The following CALN1 variants were observed in gnomAD, a reference collection of about 807,000 sequenced individuals.
The protein encoded by CALN1 is calcium-binding protein 8.
In CALN1, 17 loss-of-function variants were observed where a neutral mutation model predicts 30.6. The ratio of observed to expected loss-of-function variants is 0.56; its 90% CI spans 0.38 to 0.83. The LOEUF is 0.83. CALN1 is among the 40% of genes least tolerant of loss of function. The pLI is 0.00. For synonymous variants in CALN1, 156 were observed against 131.4 expected, an observed-to-expected ratio of 1.19 and a Z score of -1.28; for missense variants, 291 against 354.9, an observed-to-expected ratio of 0.82 and a Z score of 1.45.
chr7:71,818,971 G>A (rs1196430905), intron 5 of CALN1, among the ~76,000 whole-genome samples: 1 of 151,780 alleles, frequency 6.6e-6, no homozygotes, highest in Non-Finnish European at 1.5e-5. Flanking sequence ...GCCTCCCAAA[G>A]TGCTGGGATT....
At chr7:72,015,296 C>T (rs10265141) in intron 5 of CALN1, among the ~76,000 whole-genome samples, 21,866 of 152,216 alleles carry the variant, frequency 0.14, 2,486 homozygotes, top group East Asian at 0.34. Context: ...ATCTCAAACT[C>T]AAGCCAGCGT....
intron 5 of CALN1, among the ~76,000 whole-genome samples, chr7:71,932,620 T>A (rs936104993): frequency 1.3e-5 from 2 of 151,898 alleles, no homozygotes; most frequent in South Asian, 4.2e-4. Context: ...AAGACCATCC[T>A]GGCTAACACG....
chr7:72,233,193 G>GA lies in CALN1; in HGVS notation c.244+45492dup, dbSNP rs200734987. 7.7e-3 allele frequency among the ~76,000 whole-genome samples: 903 copies of GA among 117,824 alleles called. 1 individual carries two copies. The highest frequency in any genetic ancestry group is 0.016 in the African/African-American group (498 of 31,986). 77.3% of individuals were successfully genotyped at this position (117,824 alleles called of 152,430 possible). ...ACAATAAAGATCATTCTGTAAAAAG[G>GA]AAAAAAAAAAAAAAAGAAGGCACTG... is the stretch of plus-strand genomic sequence containing the variant. On this transcript the variant is annotated intron_variant, in intron 3 of 6. Coordinates refer to ENST00000395275, the MANE Select transcript of CALN1 (RefSeq NM_031468.4).
intron 3 of CALN1, among the ~76,000 whole-genome samples, chr7:72,272,510 C>T (rs1322214368): frequency 5.3e-5 from 8 of 151,846 alleles, no homozygotes; most frequent in African/African-American, 1.5e-4. Flanking sequence ...TGCAGTGAGC[C>T]GAAATCGCAC....
At chr7:71,915,751 A>C (rs1794660426) in intron 5 of CALN1, among the ~76,000 whole-genome samples, 1 of 114,146 alleles carries the variant, frequency 8.8e-6, no homozygotes, top group South Asian at 2.3e-4. Context: ...AACCAACCAA[A>C]CAAAAAAAAA....
chr7:72,244,379 T>G (rs1238512465), intron 3 of CALN1, among the ~76,000 whole-genome samples: 1 of 152,210 alleles, frequency 6.6e-6, no homozygotes. Context: ...AAATACCATA[T>G]TAAGTTCCTA....
At position 71,815,082 on chromosome 7, in the gene CALN1, C is replaced by G. The variant is rs186922923; in HGVS notation, c.502-4590G>C. On this transcript the variant is annotated intron_variant, in intron 5 of 6. Coordinates refer to ENST00000395275, the MANE Select transcript of CALN1 (RefSeq NM_031468.4). ...TCTCCTGACCCTGTGATCTGCCCGGCTCGGCCTCCCAAAGTGCTGGGATTA... is the reference window on the plus strand; with the variant it reads ...TCTCCTGACCCTGTGATCTGCCCGGGTCGGCCTCCCAAAGTGCTGGGATTA... 1.3e-3 allele frequency among the ~76,000 whole-genome samples: 191 copies of G among 152,200 alleles called. 1 individual carries two copies. The highest frequency in any genetic ancestry group is 4.5e-3 in the African/African-American group (187 of 41,554).
chr7:71,922,808 T>C (rs1014217765), intron 5 of CALN1, among the ~76,000 whole-genome samples: 1 of 141,102 alleles, frequency 7.1e-6, no homozygotes, highest in Non-Finnish European at 1.5e-5. Flanking sequence ...ATATTATATA[T>C]AAATATATAA....
At chr7:71,794,474 G>C (rs1189953112) in intron 6 of CALN1, among the ~76,000 whole-genome samples, 1 of 152,178 alleles carries the variant, frequency 6.6e-6, no homozygotes. Flanking sequence ...GTGAGTCCAA[G>C]ATCTGACTTC....
At chr7:72,404,945 G>A (rs542428335) in intron 1 of CALN1, among the ~76,000 whole-genome samples, 2 of 152,284 alleles carry the variant, frequency 1.3e-5, no homozygotes, top group Admixed American at 6.5e-5. Flanking sequence ...ATGAATGACG[G>A]ACAGACACAT....
intron 5 of CALN1, among the ~76,000 whole-genome samples, chr7:71,870,995 T>A (rs1376155422): frequency 6.6e-6 from 1 of 152,092 alleles, no homozygotes; most frequent in Non-Finnish European, 1.5e-5. Flanking sequence ...TGGGGATTTC[T>A]GGGCCCTCAA....
chr7:72,122,091 A>C (rs1808437907), intron 3 of CALN1, among the ~76,000 whole-genome samples: 1 of 151,984 alleles, frequency 6.6e-6, no homozygotes, highest in Non-Finnish European at 1.5e-5. Flanking sequence ...TGCCTGCCGA[A>C]GACAGAAAGT....
chr7:71,978,373 G>A (rs1393819755), intron 5 of CALN1, among the ~76,000 whole-genome samples: 1 of 141,300 alleles, frequency 7.1e-6, no homozygotes, highest in Non-Finnish European at 1.5e-5. Flanking sequence ...CTGGGTTCAC[G>A]CCATTCTCCT....
At chr7:72,331,076 A>C (rs1342184831) in intron 2 of CALN1, among the ~76,000 whole-genome samples, 2 of 152,168 alleles carry the variant, frequency 1.3e-5, no homozygotes, top group Admixed American at 6.6e-5. Context: ...CTGGCCGGGC[A>C]CGGTGGCTCA....
At chr7:72,109,963 T>G (rs1807446505) in intron 3 of CALN1, among the ~76,000 whole-genome samples, 1 of 152,222 alleles carries the variant, frequency 6.6e-6, no homozygotes, top group South Asian at 2.1e-4. Flanking sequence ...CAGTAGGAAG[T>G]GTCAGAGGAT....
chr7:72,072,376 A>T (rs1804459271), intron 4 of CALN1, among the ~76,000 whole-genome samples: 1 of 152,248 alleles, frequency 6.6e-6, no homozygotes, highest in Non-Finnish European at 1.5e-5. Context: ...ATGTGCTATA[A>T]GAAAAAAAGC....
At chr7:72,306,542 C>G (rs907287327) in intron 2 of CALN1, among the ~76,000 whole-genome samples, 5 of 151,722 alleles carry the variant, frequency 3.3e-5, no homozygotes, top group Non-Finnish European at 5.9e-5. Flanking sequence ...CAGTCGCCCA[C>G]CTGGCCTTCC....
At chr7:72,174,957 C>T (rs1171024595) in intron 3 of CALN1, among the ~76,000 whole-genome samples, 2 of 143,578 alleles carry the variant, frequency 1.4e-5, no homozygotes, top group African/African-American at 5.2e-5. Flanking sequence ...GAGTCTCGCT[C>T]TGTCTTTGGT....
chr7:71,803,079 C>T (rs766552254), intron 6 of CALN1, among the ~76,000 whole-genome samples: 3 of 152,120 alleles, frequency 2.0e-5, no homozygotes, highest in South Asian at 2.1e-4. Context: ...ATCATAATTA[C>T]GGGATTCAGA....
Sources: allele counts gnomAD v4.1 joint callset (sites outside exome capture counted in the v4.1 genomes callset), GRCh38; gene constraint gnomAD v4.1.1; transcripts MANE v1.5; gene names NCBI Gene and HGNC (gene_info 2026-07-23, HGNC 2026-07-21).